The following P3H2 variants were observed in gnomAD, a reference collection of about 807,000 sequenced individuals.
P3H2 encodes the protein leprecan-like 1.
In P3H2, 80 loss-of-function variants were observed where a neutral mutation model predicts 87.0. The ratio of observed to expected loss-of-function variants is 0.92; its 90% CI spans 0.77 to 1.11. The LOEUF (loss-of-function observed/expected upper bound fraction) is 1.11. Ranked by LOEUF, P3H2 falls within the 50% of genes least tolerant of loss-of-function variation. The pLI is 0.00. For synonymous variants in P3H2, 367 were observed against 359.3 expected (o/e 1.02, Z -0.24); for missense variants, 1,001 against 923.9 (o/e 1.08, Z -1.08).
At chr3:190,001,829 G>T (rs752905525) in intron 1 of P3H2, among the ~76,000 whole-genome samples, 2 of 152,028 alleles carry the variant, frequency 1.3e-5, no homozygotes, top group Non-Finnish European at 2.9e-5. Flanking sequence ...AAATTTACTC[G>T]AATTTTTGCC....
chr3:189,974,567 G>C lies in P3H2; in HGVS notation c.1443C>G (p.Ser481Arg), dbSNP rs762134170. Residue 481 changes from serine (S) to arginine (R), a missense_variant, in exon 9 of 15, where the codon AGC (serine) becomes AGG (arginine). Coordinates refer to ENST00000319332, the MANE Select transcript of P3H2 (RefSeq NM_018192.4). ...TTCTCCGGATCCTCACACTGGCCACGCTGTGGAGCTCCCGGCACTGTTCTT... is the reference window on the plus strand; with the variant it reads ...TTCTCCGGATCCTCACACTGGCCACCCTGTGGAGCTCCCGGCACTGTTCTT... ...LSEEQCRELHSVASGIMLVGD... is the reference protein window; with the variant it reads ...LSEEQCRELHRVASGIMLVGD... 6.8e-6 allele frequency: 11 copies of C among 1,613,650 alleles called. No individual in the cohort carries two copies. Among genetic ancestry groups the C allele is most frequent in the African/African-American group, 4.0e-5 (3 of 74,920 alleles).
chr3:190,034,978 C>T (rs533308042), intron 1 of P3H2, among the ~76,000 whole-genome samples: 1 of 150,782 alleles, frequency 6.6e-6, no homozygotes, highest in Non-Finnish European at 1.5e-5. Flanking sequence ...CCTCCTGAGT[C>T]GCTGGGATTA....
intron 1 of P3H2, among the ~76,000 whole-genome samples, chr3:190,072,120 G>A (rs1726720127): frequency 6.6e-6 from 1 of 151,798 alleles, no homozygotes. Flanking sequence ...TTACAGGCAT[G>A]ATTACAGTGA....
chr3:190,038,559 T>C (rs564844014), intron 1 of P3H2, among the ~76,000 whole-genome samples: 1 of 150,548 alleles, frequency 6.6e-6, no homozygotes, highest in East Asian at 2.0e-4. Context: ...TAAAAGCTGA[T>C]GACTTTTTAG....
chr3:189,970,880 T>C lies in P3H2; in HGVS notation c.1829A>G (p.Tyr610Cys), dbSNP rs376254011. Residue 610 changes from tyrosine (Y) to cysteine (C), a missense_variant, in exon 13 of 15, where the codon TAT (tyrosine) becomes TGT (cysteine). Transcript: ENST00000319332. ...TCCTCCTTCAAAGTCATCATTCATATATAGGAGAGCACTATAAGAATGAAG... is the reference window on the plus strand; with the variant it reads ...TCCTCCTTCAAAGTCATCATTCATACATAGGAGAGCACTATAAGAATGAAG... ...YTFRDYSALLYMNDDFEGGEF... is the reference protein window; with the variant it reads ...YTFRDYSALLCMNDDFEGGEF... 1 of 1,559,736 alleles carries C rather than the reference T, an allele frequency of 6.4e-7. No homozygotes were observed.
intron 1 of P3H2, among the ~76,000 whole-genome samples, chr3:190,052,518 T>C (rs1726014228): frequency 6.6e-6 from 1 of 152,174 alleles, no homozygotes; most frequent in African/African-American, 2.4e-5. Flanking sequence ...TAGCTCACAT[T>C]GATTGAGATC....
At chr3:189,996,524 T>G (rs952572021) in intron 1 of P3H2, among the ~76,000 whole-genome samples, 1 of 152,158 alleles carries the variant, frequency 6.6e-6, no homozygotes, top group Non-Finnish European at 1.5e-5. Context: ...AGAAGAAGAA[T>G]AATTTCTGGT....
At chr3:190,104,442 G>C (rs1711753367) in intron 1 of P3H2, among the ~76,000 whole-genome samples, 1 of 151,926 alleles carries the variant, frequency 6.6e-6, no homozygotes. Context: ...GAGGGAGCTG[G>C]ATAAAGGGAT....
intron 1 of P3H2, among the ~76,000 whole-genome samples, chr3:190,112,249 G>A (rs838692): frequency 0.3 from 46,281 of 151,996 alleles, 7,336 homozygotes; most frequent in African/African-American, 0.39. Context: ...TGATCAACTC[G>A]ATTCTCTTTT....
At chr3:190,084,060 A>T (rs981766792) in intron 1 of P3H2, among the ~76,000 whole-genome samples, 1 of 152,214 alleles carries the variant, frequency 6.6e-6, no homozygotes, top group Non-Finnish European at 1.5e-5. Context: ...TAAGAAGATG[A>T]TTTAAATGGT....
chr3:189,959,765 C>G (rs1370639654), intron 14 of P3H2, among the ~76,000 whole-genome samples: 2 of 152,040 alleles, frequency 1.3e-5, no homozygotes, highest in Non-Finnish European at 2.9e-5. Flanking sequence ...AATCTTCCAT[C>G]TCTTTTTACC....
intron 1 of P3H2, among the ~76,000 whole-genome samples, chr3:190,063,467 A>G (rs1031207175): frequency 6.6e-6 from 1 of 152,192 alleles, no homozygotes; most frequent in East Asian, 1.9e-4. Flanking sequence ...ACCACATCAG[A>G]CACCGCTTGC....
At chr3:190,093,489 G>C (rs777049231) in intron 1 of P3H2, among the ~76,000 whole-genome samples, 1 of 152,200 alleles carries the variant, frequency 6.6e-6, no homozygotes, top group Non-Finnish European at 1.5e-5. Context: ...AAAGAAATCT[G>C]AGAAAATTAA....
chr3:190,033,055 G>A (rs1339891150), intron 1 of P3H2, among the ~76,000 whole-genome samples: 1 of 152,218 alleles, frequency 6.6e-6, no homozygotes, highest in Non-Finnish European at 1.5e-5. Context: ...TCAGGCATTA[G>A]ATCTCATAAG....
intron 6 of P3H2, among the ~76,000 whole-genome samples, chr3:189,985,752 G>C (rs1000929969): frequency 2.0e-5 from 3 of 151,742 alleles, no homozygotes; most frequent in African/African-American, 7.3e-5. Flanking sequence ...TAATTCAATA[G>C]AGAAAAAATG....
chr3:190,034,365 C>G (rs1158890486), intron 1 of P3H2, among the ~76,000 whole-genome samples: 1 of 152,132 alleles, frequency 6.6e-6, no homozygotes, highest in African/African-American at 2.4e-5. Context: ...AGAATTTGAA[C>G]AATAATTTGT....
At chr3:190,080,998 A>G (rs1727024304) in intron 1 of P3H2, among the ~76,000 whole-genome samples, 1 of 152,204 alleles carries the variant, frequency 6.6e-6, no homozygotes, top group Admixed American at 6.5e-5. Flanking sequence ...GCTCTGGCTG[A>G]TAGTCACACT....
In P3H2 at chr3:189,957,892, T is replaced by C. The variant is rs748830982; in HGVS notation, c.*20A>G. The C allele has an allele frequency of 1.4e-6, 2 of 1,468,384 alleles. No individual in the cohort carries two copies. The highest frequency in any genetic ancestry group is 2.3e-5 in the South Asian group (2 of 88,170). The allele number at this position is 1,468,384 out of a possible 1,614,324, so 91.0% of individuals were successfully genotyped here. On this transcript the variant is annotated 3_prime_UTR_variant, in exon 15 of 15. Transcript: ENST00000319332. ...ATTAACAATTTAAATAAATATTTGA[T>C]AGAACATTCTTTCTCATTTTTATAG...
At chr3:190,012,244 T>TG (rs961966336) in intron 1 of P3H2, among the ~76,000 whole-genome samples, 3 of 96,292 alleles carry the variant, frequency 3.1e-5, no homozygotes, top group South Asian at 3.2e-4. Flanking sequence ...GTGTGTGTAG[T>TG]GGGGGGCGGG....
Sources: allele counts gnomAD v4.1 joint callset (sites outside exome capture counted in the v4.1 genomes callset), GRCh38; gene constraint gnomAD v4.1.1; transcripts MANE v1.5; gene names NCBI Gene and HGNC (gene_info 2026-07-23, HGNC 2026-07-21).